The following ARMC2 variants were observed in gnomAD, a reference collection of about 807,000 sequenced individuals.
ARMC2 encodes the protein armadillo repeat-containing protein 2.
In ARMC2, 67 loss-of-function variants were observed where a neutral mutation model predicts 90.3. The ratio of observed to expected loss-of-function variants is 0.74; its 90% CI spans 0.61 to 0.91. The LOEUF (loss-of-function observed/expected upper bound fraction) is 0.91. ARMC2 is among the 40% of genes least tolerant of loss of function. ARMC2 has a pLI of 0.00. For synonymous variants in ARMC2, 393 were observed against 393.0 expected, an observed-to-expected ratio of 1.00 and a Z score of 0.00; for missense variants, 920 against 1,030.9, an observed-to-expected ratio of 0.89 and a Z score of 1.47.
At chr6:108,920,213 G>A (rs1774415512) in intron 10 of ARMC2, among the ~76,000 whole-genome samples, 1 of 152,034 alleles carries the variant, frequency 6.6e-6, no homozygotes, top group African/African-American at 2.4e-5. Flanking sequence ...TTTTAGAGAT[G>A]GAGTCTTGCT....
the ARMC2 span, chr6:109,008,808 G>T: frequency 1.0e-6 from 1 of 985,316 alleles, no homozygotes; most frequent in Non-Finnish European, 1.2e-6. Flanking sequence ...TAAACGCTGT[G>T]CATAACGTCA....
intron 2 of ARMC2, among the ~76,000 whole-genome samples, chr6:108,856,982 G>A (rs921458217): frequency 2.0e-5 from 3 of 152,044 alleles, no homozygotes; most frequent in African/African-American, 7.2e-5. Flanking sequence ...TTTATAATAT[G>A]TCTTAAAGTC....
At chr6:109,027,624 C>T in the ARMC2 span, among the ~76,000 whole-genome samples, 5 of 151,692 alleles carry the variant, frequency 3.3e-5, no homozygotes, top group African/African-American at 7.3e-5. Context: ...ATAATGTCTG[C>T]GTATATTTTC....
At chr6:108,874,701 A>G (rs1352884584) in intron 4 of ARMC2, among the ~76,000 whole-genome samples, 1 of 152,200 alleles carries the variant, frequency 6.6e-6, no homozygotes, top group African/African-American at 2.4e-5. Flanking sequence ...CACATCACAG[A>G]GTGGGTGCCC....
chr6:109,050,608 A>T, the ARMC2 span, among the ~76,000 whole-genome samples: 2 of 152,142 alleles, frequency 1.3e-5, no homozygotes, highest in African/African-American at 4.8e-5. Context: ...CTTTCAAATA[A>T]CCTATCTATA....
chr6:109,001,234 T>TA, the ARMC2 span: 1 of 1,460,030 alleles, frequency 6.8e-7, no homozygotes, highest in Non-Finnish European at 9.5e-7. Context: ...AACTGTCTCT[T>TA]AAAGAGATTA....
intron 10 of ARMC2, among the ~76,000 whole-genome samples, chr6:108,916,791 G>C (rs1259067822): frequency 1.3e-5 from 2 of 152,148 alleles, no homozygotes; most frequent in African/African-American, 4.8e-5. Flanking sequence ...TGACACAGGA[G>C]CTGAAGGAAA....
chr6:108,999,928 T>C, the ARMC2 span: 1 of 152,112 alleles, frequency 6.6e-6, no homozygotes, highest in Non-Finnish European at 1.5e-5. Flanking sequence ...ATGGCATAAC[T>C]ATACAATAGA....
At chr6:108,906,676 G>C (rs1045945257) in intron 8 of ARMC2, among the ~76,000 whole-genome samples, 1 of 152,032 alleles carries the variant, frequency 6.6e-6, no homozygotes, top group East Asian at 1.9e-4. Flanking sequence ...ATAGAATTGG[G>C]GTCTCGCTAT....
At chr6:109,010,937 T>G in the ARMC2 span, among the ~76,000 whole-genome samples, 1 of 152,188 alleles carries the variant, frequency 6.6e-6, no homozygotes, top group Admixed American at 6.5e-5. Flanking sequence ...TGGTTGTAAA[T>G]GAATGAGTTG....
chr6:108,964,273 A>G lies in ARMC2; in HGVS notation c.2246A>G (p.Asp749Gly), dbSNP rs1778204121. 6.2e-7 allele frequency: 1 copy of G among 1,613,980 alleles called. No individual in the cohort carries two copies. The highest frequency in any genetic ancestry group is 8.5e-7 in the Non-Finnish European group (1 of 1,179,882). The change falls in exon 16 of 18, where the codon GAC (aspartate) becomes GGC (glycine). Residue 749 changes from aspartate to glycine, a missense_variant. Coordinates refer to ENST00000392644, the MANE Select transcript of ARMC2 (RefSeq NM_032131.6). ...CTCCTCAATCTCACTGTGGATAAAGACAAGCGTGTCATCTTGAAAGAAGGA... is the reference window on the plus strand; with the variant it reads ...CTCCTCAATCTCACTGTGGATAAAGGCAAGCGTGTCATCTTGAAAGAAGGA... ...GVLLNLTVDKDKRVILKEGGG... is the reference protein window; with the variant it reads ...GVLLNLTVDKGKRVILKEGGG...
chr6:108,886,339 C>T (rs1014948721), intron 5 of ARMC2, among the ~76,000 whole-genome samples: 1 of 152,216 alleles, frequency 6.6e-6, no homozygotes, highest in African/African-American at 2.4e-5. Flanking sequence ...GGGCGAATCA[C>T]CTGTGGTTGG....
At chr6:108,921,906 C>A (rs1327088625) in intron 10 of ARMC2, among the ~76,000 whole-genome samples, 1 of 152,158 alleles carries the variant, frequency 6.6e-6, no homozygotes, top group African/African-American at 2.4e-5. Context: ...TTTTAGAGAC[C>A]AGTGCCAAAT....
At chr6:108,954,983 C>A (rs1003950650) in intron 13 of ARMC2, among the ~76,000 whole-genome samples, 1 of 152,150 alleles carries the variant, frequency 6.6e-6, no homozygotes, top group Non-Finnish European at 1.5e-5. Context: ...TGGTTGATTG[C>A]CCTCTCACTG....
chr6:108,869,663 T>C (rs2128429757), intron 4 of ARMC2, among the ~76,000 whole-genome samples: 1 of 152,218 alleles, frequency 6.6e-6, no homozygotes, highest in East Asian at 1.9e-4. Context: ...ATTAAGCTTA[T>C]TTCTTTGAGA....
At chr6:109,046,927 C>G in the ARMC2 span, among the ~76,000 whole-genome samples, 1 of 122,496 alleles carries the variant, frequency 8.2e-6, no homozygotes, top group Non-Finnish European at 1.8e-5. Context: ...CTCCGCCCGG[C>G]AGCCACCCCA....
At position 108,953,378 on chromosome 6, in the gene ARMC2, G is replaced by T. The variant is rs201416785; in HGVS notation, c.1915+27G>T. 4,635 of 1,569,158 alleles carry T rather than the reference G, an allele frequency of 3.0e-3. 7 individuals are homozygous for T. Among genetic ancestry groups the T allele is most frequent in the Non-Finnish European group, 3.8e-3 (4,394 of 1,161,620 alleles). On this transcript the variant is annotated intron_variant, in intron 13 of 17. Transcript: ENST00000392644. Reference sequence around the variant, plus strand: ...TGAGAACCGCAGCCCACTGGCTGCAGCAGACACAACCAACTTTCCCGCGGC... The same window carrying T: ...TGAGAACCGCAGCCCACTGGCTGCATCAGACACAACCAACTTTCCCGCGGC...
chr6:108,874,962 T>C (rs1776795798), intron 4 of ARMC2, among the ~76,000 whole-genome samples: 1 of 152,082 alleles, frequency 6.6e-6, no homozygotes, highest in African/African-American at 2.4e-5. Flanking sequence ...TTTTTATTGG[T>C]TTGTTGGTTT....
At chr6:108,932,690 G>A (rs531768997) in intron 11 of ARMC2, among the ~76,000 whole-genome samples, 3 of 151,210 alleles carry the variant, frequency 2.0e-5, no homozygotes, top group African/African-American at 2.5e-5. Flanking sequence ...CACCACGCCC[G>A]GCTAATTTTT....
Sources: allele counts gnomAD v4.1 joint callset (sites outside exome capture counted in the v4.1 genomes callset), GRCh38; gene constraint gnomAD v4.1.1; transcripts MANE v1.5; gene names NCBI Gene and HGNC (gene_info 2026-07-23, HGNC 2026-07-21).